Variants in PCBP3 observed in about 807,000 individuals in gnomAD.
PCBP3 encodes poly(rC) binding protein 3, also known as poly(rC)-binding protein 3.
Under a neutral mutation model 52.7 loss-of-function variants are expected in PCBP3, and 25 were observed. That is an observed-to-expected ratio of 0.47 (90% CI 0.35 to 0.66). The LOEUF (loss-of-function observed/expected upper bound fraction) is 0.66. Among genes scored for constraint, PCBP3 ranks in the 30% least tolerant of loss-of-function variants. The pLI is 0.01. For synonymous variants in PCBP3, 162 were observed against 183.0 expected (o/e 0.89, Z 0.93); for missense variants, 391 against 490.3 (o/e 0.80, Z 1.91).
chr21:45,647,073 CAAAA>C (rs1569071612), intron 1 of PCBP3, among the ~76,000 whole-genome samples: 3 of 149,902 alleles, frequency 2.0e-5, no homozygotes, highest in Non-Finnish European at 4.4e-5. Context: ...AAAAAAAAAA[CAAAA>C]AAGATAGATG....
rs144809042 is a variant in PCBP3 at position 45,644,969 on chromosome 21, A to T, written c.-279+1101A>T. On this transcript the variant is annotated intron_variant, in intron 1 of 17. Coordinates refer to ENST00000681687, the MANE Select transcript of PCBP3 (RefSeq NM_001384156.1). ...CAAGGGTGCTTCCCTATTTAAGAGA[A>T]CTAACTCCCAGTCCTCCTCATATTC... Among the ~76,000 whole-genome samples the T allele has an allele frequency of 5.2e-3, 799 of 152,284 alleles. 8 individuals carry two copies. Among genetic ancestry groups the T allele is most frequent in the African/African-American group, 0.018 (758 of 41,534 alleles).
intron 9 of PCBP3, 123 bp from the exon 10 acceptor site, chr21:45,909,232 G>A (rs549126303): frequency 6.4e-5 from 67 of 1,048,960 alleles, no homozygotes; most frequent in Non-Finnish European, 8.3e-5. Flanking sequence ...CTTTGTCCTC[G>A]GCTGTGCATG....
At chr21:45,936,458 G>A (rs1056733919) in intron 16 of PCBP3, among the ~76,000 whole-genome samples, 5 of 152,202 alleles carry the variant, frequency 3.3e-5, no homozygotes, top group African/African-American at 9.6e-5. Flanking sequence ...CAGCCTTCTG[G>A]CATCCCCAAG....
chr21:45,909,542 G>C, intron 10 of PCBP3, 56 bp downstream of exon 10: 7 of 1,570,472 alleles, frequency 4.5e-6, no homozygotes, highest in South Asian at 3.4e-5. Context: ...GGCTGCGGGT[G>C]GTGGCCACAG....
At chr21:45,915,528 G>C (rs540865973) in intron 12 of PCBP3, 2 of 152,348 alleles carry the variant, frequency 1.3e-5, no homozygotes, top group East Asian at 3.9e-4. Context: ...TAAAGCCACT[G>C]GGGGAGGAGT....
At chr21:45,863,951 G>A (rs1380203880) in intron 5 of PCBP3, among the ~76,000 whole-genome samples, 1 of 152,230 alleles carries the variant, frequency 6.6e-6, no homozygotes, top group African/African-American at 2.4e-5. Flanking sequence ...TTAGGTTTAA[G>A]CCCGCTCAGA....
chr21:45,854,454 C>G (rs8134869), intron 5 of PCBP3, among the ~76,000 whole-genome samples: 6,147 of 152,224 alleles, frequency 0.04, 435 homozygotes, highest in African/African-American at 0.14. Context: ...GGATCCTACT[C>G]TCTGTCTCTA....
rs1457541805 is a variant in PCBP3, at chr21:45,817,263, G to A, written c.-125-32698G>A. ...TCCTCCTAAGGTGTAGCCTTTCATG[G>A]GTCTCAAGTGAACACCCTGGATGCT... On this transcript the variant is annotated intron_variant, in intron 4 of 17. Coordinates refer to ENST00000681687, the MANE Select transcript of PCBP3 (RefSeq NM_001384156.1). This position sits in a 1 kb window ranked among gnomAD's most constrained non-coding sequence, Gnocchi z 4.3. 6.6e-6 allele frequency among the ~76,000 whole-genome samples: 1 copy of A among 152,088 alleles called. No homozygotes were observed. The highest frequency in any genetic ancestry group is 6.6e-5 in the Admixed American group (1 of 15,266).
At chr21:45,692,957 G>A (rs1008725051) in intron 2 of PCBP3, among the ~76,000 whole-genome samples, 7 of 152,070 alleles carry the variant, frequency 4.6e-5, no homozygotes, top group Admixed American at 2.0e-4. Context: ...GCAAGAACGC[G>A]AGGTTGGTTT....
intron 5 of PCBP3, among the ~76,000 whole-genome samples, chr21:45,873,596 C>T (rs1481192119): frequency 6.6e-6 from 1 of 152,176 alleles, no homozygotes; most frequent in Non-Finnish European, 1.5e-5. Flanking sequence ...AGACGCACAG[C>T]ACCCAAGTCC....
intron 13 of PCBP3, among the ~76,000 whole-genome samples, chr21:45,924,323 C>T: frequency 7.6e-6 from 1 of 131,564 alleles, no homozygotes; most frequent in Admixed American, 7.4e-5. Flanking sequence ...TGGGTAGAAA[C>T]AGCACACGTA....
intron 4 of PCBP3, among the ~76,000 whole-genome samples, chr21:45,826,740 A>T (rs551224284): frequency 7.7e-4 from 117 of 152,270 alleles, no homozygotes; most frequent in Non-Finnish European, 1.3e-3. Flanking sequence ...AAGTCAGAAA[A>T]CTGGAAACGC....
chr21:45,898,645 C>A (rs1603478277), intron 6 of PCBP3, among the ~76,000 whole-genome samples: 2 of 106,274 alleles, frequency 1.9e-5, no homozygotes, highest in Admixed American at 9.7e-5. Flanking sequence ...CTCCACGGGC[C>A]CCTCTGCACA....
chr21:45,824,609 T>G (rs2093257379), intron 4 of PCBP3, among the ~76,000 whole-genome samples: 1 of 152,186 alleles, frequency 6.6e-6, no homozygotes, highest in Non-Finnish European at 1.5e-5. Context: ...CCTGCCCTGG[T>G]CTTGTCTCTA....
chr21:45,681,600 A>G (rs2081854164), intron 2 of PCBP3, among the ~76,000 whole-genome samples: 1 of 152,242 alleles, frequency 6.6e-6, no homozygotes, highest in South Asian at 2.1e-4. Flanking sequence ...AAAATAAAAA[A>G]GTCATAAGCT....
chr21:45,793,690 G>T (rs1035647385), intron 4 of PCBP3, among the ~76,000 whole-genome samples: 1 of 152,308 alleles, frequency 6.6e-6, no homozygotes, highest in Middle Eastern at 3.4e-3. Flanking sequence ...GAGACGGGAG[G>T]CGATAGCCCC....
chr21:45,804,197 C>T (rs184226407), intron 4 of PCBP3, among the ~76,000 whole-genome samples: 1 of 152,306 alleles, frequency 6.6e-6, no homozygotes, highest in East Asian at 1.9e-4. Flanking sequence ...ACGTTGGTTC[C>T]CTCCTGTGCA....
At chr21:45,762,953 T>A (rs1301236351) in intron 4 of PCBP3, 2 of 152,276 alleles carry the variant, frequency 1.3e-5, no homozygotes, top group African/African-American at 4.8e-5. Flanking sequence ...TCTCATCACT[T>A]TTGTGGTTAC....
rs1434146899 is a variant in PCBP3 at position 45,800,253 on chromosome 21, C to T, written c.-126+44801C>T. Among the ~76,000 whole-genome samples, 11 of 152,172 alleles carry T rather than the reference C, an allele frequency of 7.2e-5. No homozygotes were observed. The highest frequency in any genetic ancestry group is 1.6e-4 in the Non-Finnish European group (11 of 68,026). On this transcript the variant is annotated intron_variant, in intron 4 of 17. Transcript: ENST00000681687. The surrounding 1 kb of genome is among the most constrained non-coding windows in gnomAD (Gnocchi z 5.3). ...GGAGCACCGGGCCAAGCCAGAGGCT[C>T]CTGGCAGATCCACCCACAGAGACAG...
Sources: allele counts gnomAD v4.1 joint callset (sites outside exome capture counted in the v4.1 genomes callset), GRCh38; gene constraint gnomAD v4.1.1; non-coding constraint Gnocchi (gnomAD v3.1); transcripts MANE v1.5; gene names NCBI Gene and HGNC (gene_info 2026-07-23, HGNC 2026-07-21).